MTHFSD: variants seen among roughly 807,000 people sequenced by gnomAD.
MTHFSD encodes methenyltetrahydrofolate synthase domain-containing protein.
MTHFSD carries 37 observed loss-of-function variants against 31.1 expected under a neutral mutation model. The observed-to-expected ratio is 1.19, with a 90% CI of 0.91 to 1.56. MTHFSD has a LOEUF of 1.56. Ranked by LOEUF, MTHFSD falls within the 40% of genes most tolerant of loss-of-function variation. The pLI, the probability that MTHFSD is intolerant of heterozygous loss-of-function variation, is 0.00. For synonymous variants in MTHFSD, 221 were observed against 206.9 expected, an observed-to-expected ratio of 1.07 and a Z score of -0.59; for missense variants, 664 against 510.1, an observed-to-expected ratio of 1.30 and a Z score of -2.91.
chr16:86,552,738 A>C (rs1973348933), intron 2 of MTHFSD, among the ~76,000 whole-genome samples: 1 of 152,158 alleles, frequency 6.6e-6, no homozygotes, highest in African/African-American at 2.4e-5. Context: ...AACAACAAAA[A>C]ACCATCAAAA....
At chr16:86,546,500 C>T in intron 5 of MTHFSD, 59 bp downstream of exon 5, 6 of 1,457,706 alleles carry the variant, frequency 4.1e-6, no homozygotes, top group Non-Finnish European at 5.8e-6. Flanking sequence ...AACAGCCTGG[C>T]ACGCAGCCGC....
At chr16:86,536,914 T>G (rs570618708) in intron 7 of MTHFSD, among the ~76,000 whole-genome samples, 5 of 152,226 alleles carry the variant, frequency 3.3e-5, no homozygotes, top group African/African-American at 1.2e-4. Flanking sequence ...ATGCTTGAGC[T>G]TTCCGTGTTG....
Position 86,542,361 on chromosome 16 carries a change from C to A in MTHFSD, c.443-148G>T. The A allele has an allele frequency of 1.5e-6, 1 of 653,766 alleles. No individual in the cohort carries two copies. Among genetic ancestry groups the A allele is most frequent in the Non-Finnish European group, 2.6e-6 (1 of 385,370 alleles). 40.5% of individuals were successfully genotyped at this position (653,766 alleles called of 1,614,324 possible). The stretch of plus-strand genomic sequence containing the variant: ...TTTTCACAGAAATGCCCACCAAATG[C>A]CCACAAGCAGCCCACACTGACGATG... On this transcript the variant is annotated intron_variant, in intron 5 of 7. Transcript: ENST00000360900. The surrounding 1 kb of genome is among the most constrained non-coding windows in gnomAD (Gnocchi z 4.6).
chr16:86,530,970 A>G lies in MTHFSD; in HGVS notation c.*1041T>C, dbSNP rs561207093. Reference sequence around the variant, plus strand: ...TTTTCACGGCAAAACCAATGAGAAAATGTCCTTTCAAAGAGAAGACCGAGT... The same window carrying G: ...TTTTCACGGCAAAACCAATGAGAAAGTGTCCTTTCAAAGAGAAGACCGAGT... On this transcript the variant is annotated 3_prime_UTR_variant, in exon 8 of 8. Transcript: ENST00000360900. The G allele has an allele frequency of 6.6e-6, 1 of 152,366 alleles. No individual in the cohort carries two copies. Among genetic ancestry groups the G allele is most frequent in the East Asian group, 1.9e-4 (1 of 5,176 alleles). 9.4% of individuals were successfully genotyped at this position (152,366 alleles called of 1,614,324 possible). A position where few individuals can be genotyped will look rare whatever the true frequency, so the allele number is the denominator to read the frequency against.
At chr16:86,544,975 A>C (rs752483748) in intron 5 of MTHFSD, among the ~76,000 whole-genome samples, 1 of 152,252 alleles carries the variant, frequency 6.6e-6, no homozygotes, top group Non-Finnish European at 1.5e-5. Context: ...CTAGCACTGC[A>C]TGTTCTCACT....
intron 2 of MTHFSD, 57 bp downstream of exon 2, chr16:86,554,588 T>C: frequency 8.0e-7 from 1 of 1,250,586 alleles, no homozygotes; most frequent in Non-Finnish European, 1.2e-6. Context: ...ATTACTAGTG[T>C]TATTCATTTA....
At chr16:86,539,894 G>A (rs1294419112) in intron 7 of MTHFSD, among the ~76,000 whole-genome samples, 2 of 152,070 alleles carry the variant, frequency 1.3e-5, no homozygotes, top group East Asian at 3.9e-4. Flanking sequence ...CAGTAAGATA[G>A]CCAAGAGGTA....
Position 86,532,120 on chromosome 16 carries a change from T to C in MTHFSD, c.1043A>G (p.His348Arg), listed in dbSNP as rs762625748. 2.5e-5 allele frequency: 38 copies of C among 1,547,214 alleles called. 3 individuals carry two copies. The South Asian group carries it at 4.3e-4, about 17-fold the overall frequency. ...WQGPRRRAFL[H>R]YPDSAAAQQA... ...CTGGGCTGCGGCAGAGTCCGGGTAA[T>C]GGAGGAAGGCTCTGCGCCGCGGGCC... is the stretch of plus-strand genomic sequence containing the variant. The change falls in exon 8 of 8, where the codon CAT (histidine) becomes CGT (arginine). Residue 348 changes from histidine (H) to arginine (R), a missense_variant. Coordinates refer to ENST00000360900, the MANE Select transcript of MTHFSD (RefSeq NM_001159377.2).
chr16:86,540,951 C>T, intron 7 of MTHFSD: 2 of 1,171,056 alleles, frequency 1.7e-6, no homozygotes, highest in Non-Finnish European at 2.1e-6. Flanking sequence ...TGTGTTCATC[C>T]TTAGAGGTGA....
chr16:86,554,804 G>A, intron 1 of MTHFSD, 53 bp from the exon 2 acceptor site: 1 of 1,477,942 alleles, frequency 6.8e-7, no homozygotes, highest in South Asian at 1.1e-5. Context: ...CAGAGCCCAT[G>A]CTGAAACCGC....
Position 86,554,651 on chromosome 16 carries a change from G to T in MTHFSD, c.117C>A (p.Asn39Lys), listed in dbSNP as rs1240485238. The T allele has an allele frequency of 1.2e-6, 2 of 1,612,678 alleles. No homozygotes were observed. The highest frequency in any genetic ancestry group is 3.3e-5 in the Admixed American group (2 of 59,896). Residue 39 changes from asparagine (N) to lysine (K), a missense_variant, in exon 2 of 8, where the codon AAC becomes AAA. Coordinates refer to ENST00000360900, the MANE Select transcript of MTHFSD (RefSeq NM_001159377.2). ...FPRPVHHRIPNFKGSYLACQN... is the reference protein window; with the variant it reads ...FPRPVHHRIPKFKGSYLACQN... ...TCCAGAAATATGTCAGTACCTTAAA[G>T]TTGGGTATCCTGTGATGAACAGGTC...
intron 5 of MTHFSD, 42 bp downstream of exon 5, chr16:86,546,517 G>A (rs1369657746): frequency 3.2e-6 from 5 of 1,566,454 alleles, no homozygotes; most frequent in African/African-American, 2.7e-5. Flanking sequence ...CCGCCTTCAG[G>A]CAGAGCTGTC....
intron 7 of MTHFSD, among the ~76,000 whole-genome samples, chr16:86,538,537 G>A (rs962672503): frequency 2.8e-4 from 43 of 152,358 alleles, no homozygotes; most frequent in Non-Finnish European, 1.6e-4. Flanking sequence ...CAGTGGCCAG[G>A]GCTGCTCGAC....
At chr16:86,547,267 T>C in intron 4 of MTHFSD, 2 of 985,810 alleles carry the variant, frequency 2.0e-6, no homozygotes, top group Non-Finnish European at 1.2e-6. Flanking sequence ...CGCTTTATAC[T>C]AATGCAGGCA....
intron 7 of MTHFSD, among the ~76,000 whole-genome samples, chr16:86,538,508 G>A (rs1002860839): frequency 1.7e-4 from 26 of 152,174 alleles, no homozygotes; most frequent in Admixed American, 1.6e-3. Flanking sequence ...TTTCACTCCC[G>A]ACAAGGGCAG....
rs764281648 is a variant in MTHFSD at position 86,554,632 on chromosome 16, A to T, written c.123+13T>A. ...TTGTTTTCCTTTTCTGGACTCCAGA[A>T]ATATGTCAGTACCTTAAAGTTGGGT... On this transcript the variant is annotated intron_variant, in intron 2 of 7. Coordinates refer to ENST00000360900, the MANE Select transcript of MTHFSD (RefSeq NM_001159377.2). The T allele has an allele frequency of 6.3e-7, 1 of 1,593,830 alleles. No individual in the cohort carries two copies. Among genetic ancestry groups the T allele is most frequent in the Middle Eastern group, 1.7e-4 (1 of 6,004 alleles).
At chr16:86,548,347 C>A (rs75247409) in intron 4 of MTHFSD, 117 bp downstream of exon 4, 36,750 of 965,070 alleles carry the variant, frequency 0.038, 887 homozygotes, top group Middle Eastern at 0.063. Flanking sequence ...TATCTCTGTT[C>A]TTTTGGCTCT....
At chr16:86,549,274 G>A (rs1219882583) in intron 3 of MTHFSD, among the ~76,000 whole-genome samples, 4 of 152,234 alleles carry the variant, frequency 2.6e-5, no homozygotes, top group South Asian at 2.1e-4. Context: ...TGATGCACAC[G>A]AAAGTTTGAA....
rs1434268322 is a variant in MTHFSD at position 86,532,173 on chromosome 16, G to A, written c.990C>T (p.Gly330=). 1 of 1,572,146 alleles carries A rather than the reference G, an allele frequency of 6.4e-7. No individual in the cohort carries two copies. The highest frequency in any genetic ancestry group is 2.3e-5 in the East Asian group (1 of 42,892). ...GCCAGGTGAGCCGCAGGGGCACGGA[G>A]CCGAGTTCCCGCAGGGCTCTCTTCA... ...SDLKRALREL[G]SVPLRLTWQG... is the part of the protein sequence containing the mutation. Residue 330 remains glycine, a synonymous_variant, in exon 8 of 8, where the codon GGC becomes GGT. Coordinates refer to ENST00000360900, the MANE Select transcript of MTHFSD (RefSeq NM_001159377.2).
Sources: allele counts gnomAD v4.1 joint callset (sites outside exome capture counted in the v4.1 genomes callset), GRCh38; gene constraint gnomAD v4.1.1; non-coding constraint Gnocchi (gnomAD v3.1); transcripts MANE v1.5; gene names NCBI Gene and HGNC (gene_info 2026-07-23, HGNC 2026-07-21).